Variants in AGBL4 observed in about 807,000 individuals in gnomAD.
AGBL4 encodes the protein AGBL carboxypeptidase 4.
AGBL4 carries 58 observed loss-of-function variants against 66.4 expected under a neutral mutation model. The ratio of observed to expected loss-of-function variants is 0.87; its 90% CI spans 0.71 to 1.09. The LOEUF is 1.09. Among genes scored for constraint, AGBL4 ranks in the 50% least tolerant of loss-of-function variants. The probability of loss-of-function intolerance (pLI) is 0.00; values close to 1 mark genes in which losing one functional copy is unlikely to be tolerated. For synonymous variants in AGBL4, 234 were observed against 222.9 expected, an observed-to-expected ratio of 1.05 and a Z score of -0.44; for missense variants, 579 against 631.0, an observed-to-expected ratio of 0.92 and a Z score of 0.88.
intron 1 of AGBL4, among the ~76,000 whole-genome samples, chr1:49,960,692 G>A (rs1347765560): frequency 6.6e-6 from 1 of 152,012 alleles, no homozygotes; most frequent in Admixed American, 6.6e-5. Context: ...ACAATCACTT[G>A]CCAATTTAAA....
At chr1:48,790,940 C>T (rs1469128984) in intron 6 of AGBL4, among the ~76,000 whole-genome samples, 1 of 152,064 alleles carries the variant, frequency 6.6e-6, no homozygotes, top group African/African-American at 2.4e-5. Context: ...ATTATTTTGT[C>T]TCTCTCTCTC....
At chr1:49,820,800 A>G (rs983172189) in intron 2 of AGBL4, among the ~76,000 whole-genome samples, 5 of 152,204 alleles carry the variant, frequency 3.3e-5, no homozygotes, top group African/African-American at 1.2e-4. Context: ...ATGTATAAGA[A>G]CAGGTTTTGA....
chr1:48,826,075 T>C (rs1646421944), intron 6 of AGBL4, among the ~76,000 whole-genome samples: 1 of 152,134 alleles, frequency 6.6e-6, no homozygotes, highest in South Asian at 2.1e-4. Flanking sequence ...TTATTGCATT[T>C]AAGCCCCAAG....
chr1:49,518,288 C>T (rs1382095940), intron 3 of AGBL4, among the ~76,000 whole-genome samples: 1 of 152,078 alleles, frequency 6.6e-6, no homozygotes, highest in African/African-American at 2.4e-5. Flanking sequence ...TTTCAAAAAG[C>T]TTCCCTCAGC....
intron 3 of AGBL4, among the ~76,000 whole-genome samples, chr1:49,602,749 T>C (rs1571151344): frequency 6.6e-6 from 1 of 151,562 alleles, no homozygotes; most frequent in East Asian, 2.0e-4. Flanking sequence ...ATATAAATTT[T>C]GGGTTGATGG....
At chr1:49,706,145 C>A (rs1448849087) in intron 2 of AGBL4, among the ~76,000 whole-genome samples, 2 of 152,154 alleles carry the variant, frequency 1.3e-5, no homozygotes, top group East Asian at 3.9e-4. Flanking sequence ...CTTTGTACTT[C>A]TGGTGGAATT....
At chr1:49,690,914 C>T (rs766670964) in intron 3 of AGBL4, among the ~76,000 whole-genome samples, 2 of 152,078 alleles carry the variant, frequency 1.3e-5, no homozygotes, top group Admixed American at 6.6e-5. Context: ...TTTAAATAGA[C>T]AGTTCAATAA....
intron 3 of AGBL4, among the ~76,000 whole-genome samples, chr1:49,396,001 T>C (rs964172437): frequency 6.6e-6 from 1 of 151,086 alleles, no homozygotes; most frequent in Non-Finnish European, 1.5e-5. Flanking sequence ...CTTAACTGGG[T>C]ATTGAAGACC....
chr1:48,685,205 G>C (rs1421937241), intron 6 of AGBL4, among the ~76,000 whole-genome samples: 1 of 152,130 alleles, frequency 6.6e-6, no homozygotes, highest in Non-Finnish European at 1.5e-5. Context: ...ATGAGACCTT[G>C]ACTTCTATAT....
At chr1:49,082,517 T>C (rs1195760668) in intron 4 of AGBL4, among the ~76,000 whole-genome samples, 2 of 152,160 alleles carry the variant, frequency 1.3e-5, no homozygotes, top group Non-Finnish European at 2.9e-5. Context: ...TCCCATGTAT[T>C]AAACCATCAG....
At chr1:49,238,793 G>T (rs909523154) in intron 4 of AGBL4, among the ~76,000 whole-genome samples, 1 of 151,996 alleles carries the variant, frequency 6.6e-6, no homozygotes, top group Non-Finnish European at 1.5e-5. Flanking sequence ...AATATTTTGG[G>T]GAGCACCTTT....
At chr1:49,196,002 C>A (rs1647235525) in intron 4 of AGBL4, among the ~76,000 whole-genome samples, 1 of 152,140 alleles carries the variant, frequency 6.6e-6, no homozygotes, top group South Asian at 2.1e-4. Context: ...CTCTCTCCTG[C>A]CGCCATGTGA....
chr1:49,812,897 C>T (rs1645133228), intron 2 of AGBL4, among the ~76,000 whole-genome samples: 1 of 152,098 alleles, frequency 6.6e-6, no homozygotes, highest in Non-Finnish European at 1.5e-5. Context: ...CTACATGTAA[C>T]TAAATCACTG....
chr1:49,841,799 TAA>T (rs540783752), intron 2 of AGBL4: 3,185 of 262,692 alleles, frequency 0.012, no homozygotes, highest in South Asian at 0.023. Flanking sequence ...GACAATGTGA[TAA>T]AAAAAAAAAA....
At chr1:49,324,898 T>C (rs1476886624) in intron 3 of AGBL4, among the ~76,000 whole-genome samples, 1 of 152,220 alleles carries the variant, frequency 6.6e-6, no homozygotes, top group Non-Finnish European at 1.5e-5. Context: ...AGTAAATCAA[T>C]GATCACACAG....
intron 1 of AGBL4, among the ~76,000 whole-genome samples, chr1:49,856,138 G>A (rs1052211981): frequency 2.6e-5 from 4 of 151,908 alleles, no homozygotes; most frequent in African/African-American, 4.8e-5. Context: ...GGAAAACCAA[G>A]AGAAAAATGT....
chr1:48,534,364 C>T, intron 13 of AGBL4, 71 bp from the exon 14 acceptor site: 1 of 1,482,362 alleles, frequency 6.7e-7, no homozygotes, highest in Non-Finnish European at 9.0e-7. Flanking sequence ...CATTTGTGTG[C>T]ATGTCTATCT....
chr1:49,935,734 A>C (rs2148276834), intron 1 of AGBL4, among the ~76,000 whole-genome samples: 1 of 152,292 alleles, frequency 6.6e-6, no homozygotes, highest in South Asian at 2.1e-4. Context: ...CAGGGTCTGG[A>C]GTGGACCTCT....
chr1:49,987,089 G>C (rs1156713496), intron 1 of AGBL4, among the ~76,000 whole-genome samples: 1 of 151,842 alleles, frequency 6.6e-6, no homozygotes, highest in Non-Finnish European at 1.5e-5. Flanking sequence ...AGCCACTCAA[G>C]GGAAAAAAAC....
Sources: allele counts gnomAD v4.1 joint callset (sites outside exome capture counted in the v4.1 genomes callset), GRCh38; gene constraint gnomAD v4.1.1; transcripts MANE v1.5; gene names NCBI Gene and HGNC (gene_info 2026-07-23, HGNC 2026-07-21).